Variants in MSI1 observed in about 807,000 individuals in gnomAD.
MSI1 encodes musashi RNA binding protein 1.
In MSI1, 15 loss-of-function variants were observed where a neutral mutation model predicts 54.4. That is an observed-to-expected ratio of 0.28 (90% CI 0.18 to 0.42). MSI1 has a LOEUF of 0.42. Among genes scored for constraint, MSI1 ranks in the 20% least tolerant of loss-of-function variants. The pLI is 1.00. For synonymous variants in MSI1, 200 were observed against 196.5 expected (o/e 1.02, Z -0.15); for missense variants, 304 against 506.0 (o/e 0.60, Z 3.83).
chr12:120,368,536 C>A lies in MSI1; in HGVS notation c.101-263G>T, dbSNP rs1273038087. 6.6e-6 allele frequency among the ~76,000 whole-genome samples: 1 copy of A among 152,008 alleles called. No individual in the cohort carries two copies. The highest frequency in any genetic ancestry group is 1.5e-5 in the Non-Finnish European group (1 of 67,958). On this transcript the variant is annotated intron_variant, in intron 2 of 14. Transcript: ENST00000257552. This position sits in a 1 kb window ranked among gnomAD's most constrained non-coding sequence, Gnocchi z 6.6. ...GGGTTCCCGCCGCTCCGGGAGCAGC[C>A]TCACAAAAGTTTGAGCCGCAGGTGC...
chr12:120,362,541 C>T (rs1462882227), intron 6 of MSI1, among the ~76,000 whole-genome samples: 1 of 152,160 alleles, frequency 6.6e-6, no homozygotes, highest in Non-Finnish European at 1.5e-5. Flanking sequence ...TCAGTTCCCC[C>T]CAATACCCAG....
chr12:120,353,368 A>G lies in MSI1; in HGVS notation c.664T>C (p.Phe222Leu). Residue 222 changes from phenylalanine (F) to leucine (L), a missense_variant, in exon 10 of 15, where the codon TTC becomes CTC. Phe to Leu is a conservative substitution (Grantham distance 22). Transcript: ENST00000257552. ...LGIGMLGYPG[F>L]QATTYASRSY... ...CGGCTGGCGTAGGTTGTGGCTTGGA[A>G]ACCTGGGTAACCTGATGGGGCAAGG... 6.2e-7 allele frequency: 1 copy of G among 1,614,004 alleles called. No homozygotes were observed. The highest frequency in any genetic ancestry group is 8.5e-7 in the Non-Finnish European group (1 of 1,179,946).
chr12:120,345,793 G>T (rs1874064846), intron 13 of MSI1, among the ~76,000 whole-genome samples, 161 bp from the exon 14 acceptor site: 1 of 151,744 alleles, frequency 6.6e-6, no homozygotes, highest in Non-Finnish European at 1.5e-5. Context: ...ACCCCCCACT[G>T]CAGGTCTGCT....
chr12:120,363,624 G>A (rs1028251115), intron 5 of MSI1, among the ~76,000 whole-genome samples: 4 of 152,186 alleles, frequency 2.6e-5, no homozygotes, highest in Non-Finnish European at 5.9e-5. Context: ...CCCCAGGAGC[G>A]CATGGCTAAT....
At chr12:120,345,745 CG>C in intron 13 of MSI1, 113 bp from the exon 14 acceptor site, 1 of 1,317,412 alleles carries the variant, frequency 7.6e-7, no homozygotes, top group Non-Finnish European at 1.1e-6. Context: ...TCTACCTGTC[CG>C]GATCGCCCCC....
intron 13 of MSI1, 83 bp downstream of exon 13, chr12:120,346,052 A>G: frequency 3.2e-6 from 4 of 1,254,360 alleles, no homozygotes; most frequent in Non-Finnish European, 4.3e-6. Flanking sequence ...CCCCAGAGAC[A>G]AAGAAGTTCT....
chr12:120,350,951 T>C (rs1312518041), intron 11 of MSI1, among the ~76,000 whole-genome samples: 2 of 151,678 alleles, frequency 1.3e-5, no homozygotes, highest in Admixed American at 1.3e-4. Flanking sequence ...CCGGCAAGAG[T>C]CAGCTGGCAC....
chr12:120,367,901 T>C (rs1230400055), intron 4 of MSI1, 107 bp downstream of exon 4: 14 of 1,151,302 alleles, frequency 1.2e-5, no homozygotes, highest in Non-Finnish European at 1.6e-5. Context: ...AAAAACTCCC[T>C]CCTTCCTCAT....
chr12:120,368,611 C>G lies in MSI1; in HGVS notation c.100+222G>C, dbSNP rs1020357657. ...CGGGTCCCGGGGGCCCAGCCCACCC[C>G]CCGATACCCCCTGAACCCCTCATCT... is the stretch of plus-strand genomic sequence containing the variant. On this transcript the variant is annotated intron_variant, in intron 2 of 14. Coordinates refer to ENST00000257552, the MANE Select transcript of MSI1 (RefSeq NM_002442.4). This position sits in a 1 kb window ranked among gnomAD's most constrained non-coding sequence, Gnocchi z 6.6. 6.6e-6 allele frequency among the ~76,000 whole-genome samples: 1 copy of G among 152,066 alleles called. No homozygotes were observed. Among genetic ancestry groups the G allele is most frequent in the Middle Eastern group, 3.4e-3 (1 of 290 alleles).
intron 9 of MSI1, among the ~76,000 whole-genome samples, chr12:120,354,793 T>C (rs992421036): frequency 7.2e-5 from 11 of 152,152 alleles, no homozygotes; most frequent in Non-Finnish European, 1.5e-4. Context: ...AATAAAACTT[T>C]CTCAATGTTC....
chr12:120,356,813 C>T lies in MSI1; in HGVS notation c.652+89G>A. 3.4e-6 allele frequency: 4 copies of T among 1,173,190 alleles called. No individual in the cohort carries two copies. The South Asian group carries it at 4.9e-5, about 14-fold the overall frequency. 72.7% of individuals were successfully genotyped at this position (1,173,190 alleles called of 1,614,324 possible). On this transcript the variant is annotated intron_variant, in intron 9 of 14. Transcript: ENST00000257552. ...TGACTCAGACAGGAGGAGGGCAGAC[C>T]ACAGGGGAGGTGCAACACCCACACA... is the stretch of plus-strand genomic sequence containing the variant.
chr12:120,347,727 T>C (rs1221945032), intron 11 of MSI1, among the ~76,000 whole-genome samples: 1 of 152,140 alleles, frequency 6.6e-6, no homozygotes, highest in Non-Finnish European at 1.5e-5. Context: ...AGAGGACAGC[T>C]TCCCAGTGAG....
intron 9 of MSI1, 28 bp downstream of exon 9, chr12:120,356,871 AAAG>A: frequency 1.9e-6 from 3 of 1,600,044 alleles, no homozygotes; most frequent in Non-Finnish European, 1.7e-6. Flanking sequence ...GTTCTGGCAG[AAAG>A]AAGCCGCAGG....
intron 5 of MSI1, 98 bp downstream of exon 5, chr12:120,364,616 G>A: frequency 8.3e-7 from 1 of 1,201,020 alleles, no homozygotes; most frequent in Non-Finnish European, 1.2e-6. Context: ...TCCAAGCAGA[G>A]GTTCCAGAAG....
chr12:120,363,164 C>T (rs1875787889), intron 5 of MSI1, 29 bp from the exon 6 acceptor site: 1 of 1,598,510 alleles, frequency 6.3e-7, no homozygotes, highest in South Asian at 1.1e-5. Context: ...AGAAAGTGGG[C>T]ATCTGAGTCC....
chr12:120,346,368 C>A (rs1036947403), intron 12 of MSI1, 46 bp from the exon 13 acceptor site: 1 of 1,449,560 alleles, frequency 6.9e-7, no homozygotes, highest in African/African-American at 1.4e-5. Context: ...TGCCCTCTGC[C>A]ACCCCACGGC....
chr12:120,352,034 A>G (rs1367174950), intron 10 of MSI1, among the ~76,000 whole-genome samples: 234 of 151,232 alleles, frequency 1.5e-3, no homozygotes, highest in Middle Eastern at 0.01. Context: ...AAAAAAAAAA[A>G]AAAGACAGGG....
chr12:120,368,354 G>T lies in MSI1; in HGVS notation c.101-81C>A. 1 of 1,306,034 alleles carries T rather than the reference G, an allele frequency of 7.7e-7. No homozygotes were observed. The highest frequency in any genetic ancestry group is 9.9e-7 in the Non-Finnish European group (1 of 1,008,814). 80.9% of individuals were successfully genotyped at this position (1,306,034 alleles called of 1,614,324 possible). ...CCCGTCCTTTGCCCCCGGTGACCCC[G>T]GAGCGGCCCGGCCGCCCCCGCGCCA... is the stretch of plus-strand genomic sequence containing the variant. On this transcript the variant is annotated intron_variant, in intron 2 of 14. Coordinates refer to ENST00000257552, the MANE Select transcript of MSI1 (RefSeq NM_002442.4). The surrounding 1 kb of genome is among the most constrained non-coding windows in gnomAD (Gnocchi z 6.6).
In MSI1 at chr12:120,368,223, C is replaced by T. The variant is rs746523102; in HGVS notation, c.151G>A (p.Val51Met). ...GQFGEVKECLVMRDPLTKRSR... is the reference protein window; with the variant it reads ...GQFGEVKECLMMRDPLTKRSR... The stretch of plus-strand genomic sequence containing the variant: ...CTCTTGGTCAGGGGGTCCCGCATCA[C>T]CAGACACTCCTTCACCTCCCCGAAC... Residue 51 changes from valine (V) to methionine (M), a missense_variant, in exon 3 of 15, where the codon GTG becomes ATG. Transcript: ENST00000257552. The surrounding 1 kb of genome is among the most constrained non-coding windows in gnomAD (Gnocchi z 6.6). 1 of 1,589,742 alleles carries T rather than the reference C, an allele frequency of 6.3e-7. No homozygotes were observed. Among genetic ancestry groups the T allele is most frequent in the South Asian group, 1.1e-5 (1 of 87,890 alleles).
Sources: allele counts gnomAD v4.1 joint callset (sites outside exome capture counted in the v4.1 genomes callset), GRCh38; gene constraint gnomAD v4.1.1; non-coding constraint Gnocchi (gnomAD v3.1); transcripts MANE v1.5; gene names NCBI Gene and HGNC (gene_info 2026-07-23, HGNC 2026-07-21).